PSD3: variants seen among roughly 807,000 people sequenced by gnomAD.
PSD3 encodes the protein PH and SEC7 domain-containing protein 3.
PSD3 carries 49 observed loss-of-function variants against 105.5 expected under a neutral mutation model. The observed-to-expected ratio is 0.46, with a 90% CI of 0.37 to 0.59. PSD3 has a LOEUF of 0.59. Among genes scored for constraint, PSD3 ranks in the 20% least tolerant of loss-of-function variants. PSD3 has a pLI of 0.00. For missense variants in PSD3, 1,561 were observed against 1,263.8 expected (o/e 1.24, Z -3.57); for synonymous variants, 557 against 457.8 (o/e 1.22, Z -2.77).
At chr8:18,844,160 C>G (rs533215806) in intron 4 of PSD3, among the ~76,000 whole-genome samples, 462 of 152,142 alleles carry the variant, frequency 3.0e-3, no homozygotes, top group African/African-American at 0.011. Flanking sequence ...CTATAATTAT[C>G]TAAGAGCTGT....
intron 9 of PSD3, among the ~76,000 whole-genome samples, chr8:18,738,723 C>T (rs1260429919): frequency 6.6e-6 from 1 of 152,044 alleles, no homozygotes; most frequent in Admixed American, 6.6e-5. Context: ...ATATAAACAG[C>T]ATACACATTC....
At chr8:19,003,334 G>C (rs1022077914) in intron 1 of PSD3, among the ~76,000 whole-genome samples, 1 of 151,748 alleles carries the variant, frequency 6.6e-6, no homozygotes. Flanking sequence ...TGGCGCCTGG[G>C]AGTAGTCACT....
intron 1 of PSD3, among the ~76,000 whole-genome samples, chr8:19,068,784 A>T (rs1351247887): frequency 6.6e-6 from 1 of 151,234 alleles, no homozygotes; most frequent in Non-Finnish European, 1.5e-5. Context: ...AAGAACTGAC[A>T]CTTTAGACCA....
chr8:18,965,740 C>A (rs1050546403), intron 1 of PSD3, among the ~76,000 whole-genome samples: 1 of 152,214 alleles, frequency 6.6e-6, no homozygotes, highest in African/African-American at 2.4e-5. Flanking sequence ...GTGAAGCCAA[C>A]AGGCCCACTC....
At chr8:18,799,590 A>T (rs1283844093) in intron 7 of PSD3, among the ~76,000 whole-genome samples, 1 of 152,208 alleles carries the variant, frequency 6.6e-6, no homozygotes, top group Non-Finnish European at 1.5e-5. Flanking sequence ...ACAGTTTGGT[A>T]GTAGATATGT....
intron 3 of PSD3, among the ~76,000 whole-genome samples, chr8:18,868,972 A>G (rs1428050680): frequency 6.6e-6 from 1 of 152,158 alleles, no homozygotes; most frequent in African/African-American, 2.4e-5. Flanking sequence ...ATTAGGAATT[A>G]TCTATTAAGC....
intron 1 of PSD3, among the ~76,000 whole-genome samples, chr8:19,013,278 C>A (rs1476094176): frequency 1.3e-5 from 2 of 151,848 alleles, no homozygotes; most frequent in South Asian, 2.1e-4. Flanking sequence ...TTTCATGTTG[C>A]CTTCTTTTGA....
chr8:18,925,379 A>C (rs1222681925), intron 2 of PSD3, among the ~76,000 whole-genome samples: 1 of 150,918 alleles, frequency 6.6e-6, no homozygotes, highest in Non-Finnish European at 1.5e-5. Context: ...CCAGGCAACT[A>C]TCTCTAAAAG....
intron 1 of PSD3, among the ~76,000 whole-genome samples, chr8:19,059,701 A>G (rs561511881): frequency 6.6e-6 from 1 of 152,360 alleles, no homozygotes; most frequent in African/African-American, 2.4e-5. Flanking sequence ...TCATTCCCAC[A>G]AGAAAAAGAA....
At chr8:18,882,716 C>A (rs1818187341) in intron 2 of PSD3, among the ~76,000 whole-genome samples, 1 of 152,014 alleles carries the variant, frequency 6.6e-6, no homozygotes, top group Non-Finnish European at 1.5e-5. Context: ...ATTTAAGTTA[C>A]TTAAAATTTA....
intron 14 of PSD3, among the ~76,000 whole-genome samples, chr8:18,556,600 C>T (rs1385352313): frequency 2.6e-5 from 4 of 152,106 alleles, no homozygotes; most frequent in Non-Finnish European, 5.9e-5. Context: ...AAATGGCTTC[C>T]GAGCTCTTTA....
chr8:19,060,404 T>G (rs2129477515), intron 1 of PSD3, among the ~76,000 whole-genome samples: 1 of 152,320 alleles, frequency 6.6e-6, no homozygotes, highest in South Asian at 2.1e-4. Context: ...TCTATAGATC[T>G]TATATATAGC....
chr8:18,921,139 T>C (rs1173466862), intron 2 of PSD3, among the ~76,000 whole-genome samples: 1 of 152,236 alleles, frequency 6.6e-6, no homozygotes, highest in Admixed American at 6.5e-5. Flanking sequence ...TCAAATTGCA[T>C]TTTCCTGTTG....
intron 4 of PSD3, among the ~76,000 whole-genome samples, chr8:18,810,964 C>T (rs1811633110): frequency 6.6e-6 from 1 of 152,176 alleles, no homozygotes; most frequent in African/African-American, 2.4e-5. Context: ...CATAAATTGC[C>T]TCTGAAAAGG....
intron 11 of PSD3, among the ~76,000 whole-genome samples, chr8:18,619,216 A>G (rs1026814252): frequency 6.6e-6 from 1 of 152,142 alleles, no homozygotes; most frequent in East Asian, 1.9e-4. Flanking sequence ...GATGGGATGG[A>G]AGTTCAGATG....
intron 15 of PSD3, among the ~76,000 whole-genome samples, chr8:18,541,751 T>C (rs972715428): frequency 3.3e-5 from 5 of 151,432 alleles, no homozygotes; most frequent in Non-Finnish European, 5.9e-5. Flanking sequence ...TTTCTGAGAA[T>C]CTTTTTTTTT....
chr8:18,724,761 A>C (rs898110470), intron 9 of PSD3, among the ~76,000 whole-genome samples: 1 of 152,212 alleles, frequency 6.6e-6, no homozygotes, highest in Non-Finnish European at 1.5e-5. Flanking sequence ...AAGAACAAAT[A>C]AGCTTATTAA....
intron 1 of PSD3, among the ~76,000 whole-genome samples, chr8:18,984,710 T>A (rs1365635172): frequency 6.6e-6 from 1 of 152,204 alleles, no homozygotes; most frequent in Non-Finnish European, 1.5e-5. Context: ...CATTTGAAAT[T>A]TTCCAAATAA....
intron 14 of PSD3, among the ~76,000 whole-genome samples, chr8:18,564,214 C>G (rs1030484305): frequency 1.3e-5 from 2 of 151,626 alleles, no homozygotes; most frequent in African/African-American, 4.9e-5. Context: ...AAAAAAGCAT[C>G]ATATATTAAA....
Sources: gnomAD v4.1 joint callset for allele counts (sites outside exome capture counted in the v4.1 genomes callset) on GRCh38, gnomAD v4.1.1 for gene constraint, MANE v1.5 for transcripts, NCBI Gene and HGNC (gene_info 2026-07-23, HGNC 2026-07-21) for gene names.